OC90: variants seen among roughly 807,000 people sequenced by gnomAD.
OC90 encodes the protein otoconin 90.
A neutral mutation model predicts 47.3 loss-of-function variants in OC90; 46 were observed. That is an observed-to-expected ratio of 0.97 (90% CI 0.77 to 1.24). The LOEUF (loss-of-function observed/expected upper bound fraction) is 1.24, where lower values mean the gene tolerates loss of function less well. OC90 is among the 50% of genes most tolerant of loss of function. OC90 has a pLI of 0.00. For synonymous variants in OC90, 271 were observed against 219.5 expected, an observed-to-expected ratio of 1.23 and a Z score of -2.07; for missense variants, 688 against 583.9, an observed-to-expected ratio of 1.18 and a Z score of -1.84.
rs1428899705 is a variant in OC90, at chr8:132,028,821, AAAAG to A, written c.1138+248_1138+251del. ...AAGGAAAGAAAGAAAGAAAGAAAGA[AAAAG>A]AAAGAAAGAAAGAAAAGGAAAGAAG... On this transcript the variant is annotated intron_variant, in intron 13 of 13. Coordinates refer to ENST00000254627, the MANE Select transcript of OC90 (RefSeq NM_001080399.3). 1.9e-3 allele frequency among the ~76,000 whole-genome samples: 271 copies of A among 142,486 alleles called. 3 individuals are homozygous for A. The highest frequency in any genetic ancestry group is 2.6e-3 in the Non-Finnish European group (165 of 64,560). 93.5% of individuals were successfully genotyped at this position (142,486 alleles called of 152,430 possible).
At chr8:132,040,053 T>C (rs1823030344) in intron 6 of OC90, among the ~76,000 whole-genome samples, 1 of 152,202 alleles carries the variant, frequency 6.6e-6, no homozygotes, top group South Asian at 2.1e-4. Context: ...CTTGCATTGG[T>C]GTAGGTACAC....
chr8:132,046,283 A>G (rs6998703), intron 2 of OC90, among the ~76,000 whole-genome samples: 55,015 of 151,884 alleles, frequency 0.36, 10,223 homozygotes, highest in East Asian at 0.48. Flanking sequence ...AATAATAGAG[A>G]ATAAGGGTTT....
intron 4 of OC90, among the ~76,000 whole-genome samples, chr8:132,042,263 G>T (rs931294440): frequency 6.6e-6 from 1 of 152,194 alleles, no homozygotes; most frequent in South Asian, 2.1e-4. Flanking sequence ...TAGCAGTGGA[G>T]CAAGATAGAC....
intron 8 of OC90, among the ~76,000 whole-genome samples, chr8:132,038,272 C>A (rs115296676): frequency 1.3e-5 from 2 of 152,156 alleles, no homozygotes; most frequent in African/African-American, 4.8e-5. Context: ...AATAAACATG[C>A]GAAAAGCAGC....
rs754678083 is a variant in OC90, at chr8:132,041,009, G to T, written c.457+35C>A. 5.4e-6 allele frequency: 7 copies of T among 1,290,324 alleles called. No homozygotes were observed. The East Asian group carries it at 1.6e-4, about 30-fold the overall frequency. 79.9% of individuals were successfully genotyped at this position (1,290,324 alleles called of 1,614,324 possible). A position where few individuals can be genotyped will look rare whatever the true frequency, so the allele number is the denominator to read the frequency against. On this transcript the variant is annotated intron_variant, in intron 6 of 13. Transcript: ENST00000254627. ...TTGGGATCCCTGGACTGTCATTTCTGGGCCCAGGCCCCTGGGACACCTGGA... is the reference window on the plus strand; with the variant it reads ...TTGGGATCCCTGGACTGTCATTTCTTGGCCCAGGCCCCTGGGACACCTGGA...
chr8:132,029,086 A>T lies in OC90; in HGVS notation c.1125T>A (p.Asp375Glu), dbSNP rs764621910. Reference sequence around the variant, plus strand: ...AACAGCACTTACACTTGGGCGTATGATCCACACACACCACCGGTGACCAAG... The same window carrying T: ...AACAGCACTTACACTTGGGCGTATGTTCCACACACACCACCGGTGACCAAG... ...RLPWSPVVCV[D>E]HTPKCGGQSL... The change falls in exon 13 of 14, where the codon GAT becomes GAA. Residue 375 changes from aspartate to glutamate, a missense_variant. Coordinates refer to ENST00000254627, the MANE Select transcript of OC90 (RefSeq NM_001080399.3). The T allele has an allele frequency of 8.7e-6, 14 of 1,611,448 alleles. No homozygotes were observed. The highest frequency in any genetic ancestry group is 1.2e-5 in the Non-Finnish European group (14 of 1,177,688).
rs1822837531 is a variant in OC90, at chr8:132,029,254, C to T, written c.1032-75G>A. On this transcript the variant is annotated intron_variant, in intron 12 of 13. Coordinates refer to ENST00000254627, the MANE Select transcript of OC90 (RefSeq NM_001080399.3). ...GAACCCCCTCAAGCACAGCCTGCTT[C>T]TCCCACATACCCTATAGTAGTGAGG... The T allele has an allele frequency of 5.4e-6, 6 of 1,114,944 alleles. No homozygotes were observed. In the East Asian group the frequency reaches 1.2e-4, roughly 22 times the overall value. The allele number at this position is 1,114,944 out of a possible 1,614,324, so 69.1% of individuals were successfully genotyped here.
intron 2 of OC90, chr8:132,049,980 CA>C: frequency 2.4e-6 from 1 of 410,942 alleles, no homozygotes; most frequent in Non-Finnish European, 5.2e-6. Flanking sequence ...GATTCAAATT[CA>C]CATAAAATAT....
rs748636361 is a variant in OC90 at position 132,038,802 on chromosome 8, G to A, written c.616C>T (p.Leu206Phe). ...ETTIKEDLTT[L>F]LPRVVPVEPT... ...TGGGAGGCCTTACCTCTGGGCAGAAGTGTTGTCAAGTCTTCCTTGATGGTT... is the reference window on the plus strand; with the variant it reads ...TGGGAGGCCTTACCTCTGGGCAGAAATGTTGTCAAGTCTTCCTTGATGGTT... The change falls in exon 8 of 14, where the codon CTT becomes TTT. Residue 206 changes from leucine to phenylalanine, a missense_variant. Leu to Phe is a conservative substitution (Grantham distance 22, BLOSUM62 0). Transcript: ENST00000254627. The A allele has an allele frequency of 3.1e-6, 5 of 1,613,836 alleles. No homozygotes were observed. The South Asian group carries it at 4.4e-5, about 14-fold the overall frequency.
intron 2 of OC90, among the ~76,000 whole-genome samples, chr8:132,054,003 C>G (rs958034355): frequency 8.5e-5 from 13 of 152,338 alleles, no homozygotes; most frequent in African/African-American, 3.1e-4. Context: ...GGTCAACACT[C>G]ACAAAGCATT....
At chr8:132,027,426 C>T (rs1350736709) in intron 13 of OC90, among the ~76,000 whole-genome samples, 1 of 152,180 alleles carries the variant, frequency 6.6e-6, no homozygotes, top group African/African-American at 2.4e-5. Context: ...GCAGTCCATG[C>T]ACTGTGCTGA....
At chr8:132,036,988 T>G (rs1822975007) in intron 9 of OC90, among the ~76,000 whole-genome samples, 1 of 152,244 alleles carries the variant, frequency 6.6e-6, no homozygotes, top group Non-Finnish European at 1.5e-5. Flanking sequence ...CTTATGCCAC[T>G]CTAAAGGATA....
chr8:132,032,842 G>A (rs916640663), intron 11 of OC90, among the ~76,000 whole-genome samples, 197 bp downstream of exon 11: 2 of 152,158 alleles, frequency 1.3e-5, no homozygotes, highest in Admixed American at 6.6e-5. Context: ...CCCAGGCTCA[G>A]CCTCCCAGTG....
At chr8:132,027,247 G>C (rs1036925438) in intron 13 of OC90, among the ~76,000 whole-genome samples, 9 of 152,192 alleles carry the variant, frequency 5.9e-5, no homozygotes, top group Non-Finnish European at 1.3e-4. Context: ...GCAATTTGAG[G>C]CAAGGATCAT....
At position 132,024,765 on chromosome 8, in the gene OC90, T is replaced by C; in HGVS notation, c.1150A>G (p.Ser384Gly). Residue 384 changes from serine (S) to glycine (G), a missense_variant, in exon 14 of 14, where the codon AGC becomes GGC. Transcript: ENST00000254627. ...GCACAGAGCAACTTCTCACACAGGC[T>C]TTGGCCCCCACCTTAGAAGGAAAGA... is the stretch of plus-strand genomic sequence containing the variant. ...VDHTPKCGGQ[S>G]LCEKLLCACD... 6.2e-7 allele frequency: 1 copy of C among 1,612,644 alleles called. No individual in the cohort carries two copies. The highest frequency in any genetic ancestry group is 8.5e-7 in the Non-Finnish European group (1 of 1,179,144).
At chr8:132,051,161 T>C (rs1375335906) in intron 2 of OC90, among the ~76,000 whole-genome samples, 2 of 152,204 alleles carry the variant, frequency 1.3e-5, no homozygotes, top group East Asian at 3.8e-4. Context: ...AACTGTTGGA[T>C]AGAACTTGAA....
At chr8:132,042,580 T>C (rs1013300067) in intron 4 of OC90, among the ~76,000 whole-genome samples, 1 of 152,140 alleles carries the variant, frequency 6.6e-6, no homozygotes. Context: ...CGTCTTTATG[T>C]TCACGTGTAT....
chr8:132,028,258 C>T (rs534860195), intron 13 of OC90, among the ~76,000 whole-genome samples: 1 of 152,134 alleles, frequency 6.6e-6, no homozygotes, highest in African/African-American at 2.4e-5. Context: ...AATCATAGCA[C>T]TTTGGGAGGC....
intron 1 of OC90, among the ~76,000 whole-genome samples, chr8:132,056,083 C>G (rs1232492625): frequency 6.6e-6 from 1 of 152,182 alleles, no homozygotes; most frequent in Non-Finnish European, 1.5e-5. Context: ...ACCCTAGTGG[C>G]ACACACAGGG....
Sources: allele counts gnomAD v4.1 joint callset (sites outside exome capture counted in the v4.1 genomes callset), GRCh38; gene constraint gnomAD v4.1.1; transcripts MANE v1.5; gene names NCBI Gene and HGNC (gene_info 2026-07-23, HGNC 2026-07-21).